SIAH3: variants seen among roughly 807,000 people sequenced by gnomAD.
SIAH3 encodes seven in absentia homolog 3.
Under a neutral mutation model 12.6 loss-of-function variants are expected in SIAH3, and 9 were observed. The ratio of observed to expected loss-of-function variants is 0.72; its 90% CI spans 0.43 to 1.25. The LOEUF (loss-of-function observed/expected upper bound fraction) is 1.25, where lower values mean the gene tolerates loss of function less well. Among genes scored for constraint, SIAH3 ranks in the 50% most tolerant of loss-of-function variants. The pLI is 0.00. For synonymous variants in SIAH3, 154 were observed against 151.1 expected, an observed-to-expected ratio of 1.02 and a Z score of -0.14; for missense variants, 390 against 365.4, an observed-to-expected ratio of 1.07 and a Z score of -0.55.
At chr13:45,841,020 G>A (rs1198084728) in intron 1 of SIAH3, among the ~76,000 whole-genome samples, 1 of 152,130 alleles carries the variant, frequency 6.6e-6, no homozygotes, top group Non-Finnish European at 1.5e-5. Flanking sequence ...GCATTTTGTG[G>A]TTGTTACTAT....
chr13:45,834,294 A>T (rs186225553), intron 1 of SIAH3, among the ~76,000 whole-genome samples: 1 of 152,280 alleles, frequency 6.6e-6, no homozygotes, highest in East Asian at 1.9e-4. Flanking sequence ...TTTCATCATC[A>T]TTGAGTTATC....
intron 1 of SIAH3, among the ~76,000 whole-genome samples, chr13:45,799,621 T>TG (rs1435598595): frequency 6.6e-6 from 1 of 152,302 alleles, no homozygotes; most frequent in East Asian, 1.9e-4. Flanking sequence ...TCCCAAGGCC[T>TG]GGGGGTTGGT....
At position 45,828,574 on chromosome 13, in the gene SIAH3, A is replaced by G. The variant is rs868111091; in HGVS notation, c.135+22921T>C. Among the ~76,000 whole-genome samples, 3 of 152,308 alleles carry G rather than the reference A, an allele frequency of 2.0e-5. No homozygotes were observed. In the South Asian group the frequency reaches 6.2e-4, roughly 32 times the overall value. ...CAAAAACTGCTATCCCAGCTTATCTAATGAAAGATAGTCCAAATTTCCTCT... is the reference window on the plus strand; with the variant it reads ...CAAAAACTGCTATCCCAGCTTATCTGATGAAAGATAGTCCAAATTTCCTCT... On this transcript the variant is annotated intron_variant, in intron 1 of 1. Transcript: ENST00000400405.
chr13:45,843,878 AGATGCAGTCCCAAAC>A (rs964973593), intron 1 of SIAH3, among the ~76,000 whole-genome samples: 1 of 152,208 alleles, frequency 6.6e-6, no homozygotes, highest in Non-Finnish European at 1.5e-5. Context: ...TAATCCCAAA[AGATGCAGTCCCAAAC>A]ATCATAATCC....
At position 45,783,268 on chromosome 13, in the gene SIAH3, ATT is replaced by A. The variant is rs1491082311; in HGVS notation, c.*113_*114del. ...GACAAAAAAATAATAATAATTAAAA[ATT>A]AAAAAAAAAAAAAAGAAAGGAGAAG... On this transcript the variant is annotated 3_prime_UTR_variant, in exon 2 of 2. Transcript: ENST00000400405. The A allele has an allele frequency of 2.3e-3, 1,497 of 642,022 alleles. 1 individual carries two copies. Among genetic ancestry groups the A allele is most frequent in the African/African-American group, 8.2e-3 (371 of 45,174 alleles). The allele number at this position is 642,022 out of a possible 1,614,324, so 39.8% of individuals were successfully genotyped here.
In SIAH3 at chr13:45,827,477, T is replaced by C. The variant is rs114263185; in HGVS notation, c.135+24018A>G. 2.5e-3 allele frequency among the ~76,000 whole-genome samples: 387 copies of C among 152,294 alleles called. 2 individuals are homozygous for C. The highest frequency in any genetic ancestry group is 9.0e-3 in the African/African-American group (375 of 41,546). On this transcript the variant is annotated intron_variant, in intron 1 of 1. Coordinates refer to ENST00000400405, the MANE Select transcript of SIAH3 (RefSeq NM_198849.3). ...TGACCATTCTGCTATTTATAACTGA[T>C]TTTATTTCTAACTAATATGGAACTC...
chr13:45,837,591 AGGAG>A (rs981896070), intron 1 of SIAH3, among the ~76,000 whole-genome samples: 7 of 129,052 alleles, frequency 5.4e-5, no homozygotes, highest in African/African-American at 2.1e-4. Context: ...GAAGGAAGGA[AGGAG>A]GGAGGGACAG....
chr13:45,802,917 C>T (rs1360179069), intron 1 of SIAH3, among the ~76,000 whole-genome samples: 1 of 152,128 alleles, frequency 6.6e-6, no homozygotes, highest in African/African-American at 2.4e-5. Flanking sequence ...ACTAAAAATA[C>T]AAAAATTAGC....
At chr13:45,841,790 G>A (rs9534233) in intron 1 of SIAH3, among the ~76,000 whole-genome samples, 40,925 of 152,108 alleles carry the variant, frequency 0.27, 7,002 homozygotes, top group Non-Finnish European at 0.36. Context: ...TTCATTTGGA[G>A]CCTCATCCCT....
intron 1 of SIAH3, among the ~76,000 whole-genome samples, chr13:45,824,001 T>G (rs776806588): frequency 6.6e-6 from 1 of 152,210 alleles, no homozygotes; most frequent in Admixed American, 6.5e-5. Context: ...ATGTTGAGGT[T>G]TGGGTTTCTA....
intron 1 of SIAH3, among the ~76,000 whole-genome samples, chr13:45,834,347 T>C (rs1256832282): frequency 2.0e-5 from 3 of 152,188 alleles, no homozygotes; most frequent in Non-Finnish European, 4.4e-5. Context: ...TGTCCGATTG[T>C]GAAGGCCCAG....
intron 1 of SIAH3, among the ~76,000 whole-genome samples, chr13:45,788,097 G>T (rs927985413): frequency 6.6e-6 from 1 of 152,200 alleles, no homozygotes; most frequent in African/African-American, 2.4e-5. Flanking sequence ...TGAGACCTGT[G>T]TACTTGCTGT....
At chr13:45,794,921 C>A (rs138497424) in intron 1 of SIAH3, among the ~76,000 whole-genome samples, 204 of 149,944 alleles carry the variant, frequency 1.4e-3, no homozygotes, top group African/African-American at 4.9e-3. Context: ...CCACGTTTCC[C>A]TTAAGGCCTT....
In SIAH3 at chr13:45,780,080, G is replaced by C. The variant is rs910872684; in HGVS notation, c.*3303C>G. On this transcript the variant is annotated 3_prime_UTR_variant, in exon 2 of 2. Transcript: ENST00000400405. ...AAAAGGCAATTACTCCTTAGAGAGTGAGTCATTAACTCTTGCACCTTGGTG... is the reference window on the plus strand; with the variant it reads ...AAAAGGCAATTACTCCTTAGAGAGTCAGTCATTAACTCTTGCACCTTGGTG... 6.6e-6 allele frequency: 1 copy of C among 152,172 alleles called. No individual in the cohort carries two copies. The highest frequency in any genetic ancestry group is 1.5e-5 in the Non-Finnish European group (1 of 68,016). The allele number at this position is 152,172 out of a possible 1,614,324, so 9.4% of individuals were successfully genotyped here.
chr13:45,796,297 A>T (rs9595382), intron 1 of SIAH3, among the ~76,000 whole-genome samples: 79,632 of 151,796 alleles, frequency 0.52, 22,125 homozygotes, highest in African/African-American at 0.65. Flanking sequence ...GTATGTGGCC[A>T]TTGTCTTCAG....
At chr13:45,837,602 A>G (rs1393600335) in intron 1 of SIAH3, among the ~76,000 whole-genome samples, 4 of 136,426 alleles carry the variant, frequency 2.9e-5, no homozygotes, top group South Asian at 2.6e-4. Context: ...GGAGGGAGGG[A>G]CAGAGGGAGG....
At chr13:45,808,272 TA>T (rs35069865) in intron 1 of SIAH3, among the ~76,000 whole-genome samples, 49,132 of 151,962 alleles carry the variant, frequency 0.32, 8,837 homozygotes, top group Non-Finnish European at 0.41. Flanking sequence ...TACTTTGTGT[TA>T]AACAGCACAA....
chr13:45,840,021 G>A (rs1189499267), intron 1 of SIAH3, among the ~76,000 whole-genome samples: 1 of 152,180 alleles, frequency 6.6e-6, no homozygotes, highest in Non-Finnish European at 1.5e-5. Context: ...ACTTCGGGAG[G>A]CCGAGGTGGG....
In SIAH3 at chr13:45,783,396, T is replaced by C. The variant is rs769395045; in HGVS notation, c.797A>G (p.Glu266Gly). ...AITATEVLPS[E>G]AEM ...TGGCTCCTGGCCTCACATTTCAGCT[T>C]CTGAGGGGAGGACCTCTGTCGCGGT... is the stretch of plus-strand genomic sequence containing the variant. Residue 266 changes from glutamate (E) to glycine (G), a missense_variant, in exon 2 of 2, where the codon GAA (glutamate) becomes GGA (glycine). Coordinates refer to ENST00000400405, the MANE Select transcript of SIAH3 (RefSeq NM_198849.3). The C allele has an allele frequency of 1.9e-6, 3 of 1,610,238 alleles. No homozygotes were observed. Among genetic ancestry groups the C allele is most frequent in the Admixed American group, 3.3e-5 (2 of 59,930 alleles).
Sources: gnomAD v4.1 joint callset for allele counts (sites outside exome capture counted in the v4.1 genomes callset) on GRCh38, gnomAD v4.1.1 for gene constraint, MANE v1.5 for transcripts, NCBI Gene and HGNC (gene_info 2026-07-23, HGNC 2026-07-21) for gene names.